Variants in DSCAM observed in about 807,000 individuals in gnomAD.
The protein encoded by DSCAM is cell adhesion molecule DSCAM.
DSCAM carries 47 observed loss-of-function variants against 217.7 expected under a neutral mutation model. The observed-to-expected ratio is 0.22, with a 90% CI of 0.17 to 0.28. The LOEUF (loss-of-function observed/expected upper bound fraction) is 0.28, where lower values mean the gene tolerates loss of function less well. Among genes scored for constraint, DSCAM ranks in the 10% least tolerant of loss-of-function variants. The probability of loss-of-function intolerance (pLI) is 1.00; values close to 1 mark genes in which losing one functional copy is unlikely to be tolerated. For missense variants in DSCAM, 2,080 were observed against 2,618.3 expected, an observed-to-expected ratio of 0.79 and a Z score of 4.49; for synonymous variants, 1,056 against 1,015.3, an observed-to-expected ratio of 1.04 and a Z score of -0.76.
intron 11 of DSCAM, among the ~76,000 whole-genome samples, chr21:40,238,142 A>G (rs946217295): frequency 3.3e-5 from 5 of 152,168 alleles, no homozygotes; most frequent in Non-Finnish European, 7.4e-5. Context: ...AGGATTTTTT[A>G]AACCATAATA....
At chr21:40,287,093 G>A (rs115621791) in intron 10 of DSCAM, among the ~76,000 whole-genome samples, 286 of 139,366 alleles carry the variant, frequency 2.1e-3, no homozygotes, top group African/African-American at 5.1e-3. Context: ...TGTCATCCAC[G>A]GTATGATCCA....
chr21:40,221,008 T>A (rs975112311), intron 11 of DSCAM, among the ~76,000 whole-genome samples: 2 of 152,200 alleles, frequency 1.3e-5, no homozygotes, highest in African/African-American at 2.4e-5. Context: ...ATTTCACAGA[T>A]GCAGAAACTG....
chr21:40,661,461 C>A (rs2090138834), intron 3 of DSCAM, among the ~76,000 whole-genome samples: 1 of 152,172 alleles, frequency 6.6e-6, no homozygotes, highest in Non-Finnish European at 1.5e-5. Flanking sequence ...ACAAAAATAA[C>A]CCTCACAAAA....
Position 40,708,503 on chromosome 21 carries a change from A to C in DSCAM, c.312T>G (p.Ala104=), listed in dbSNP as rs1050762598. 2.0e-6 allele frequency: 3 copies of C among 1,521,362 alleles called. No individual in the cohort carries two copies. The highest frequency in any genetic ancestry group is 1.7e-4 in the Middle Eastern group (1 of 5,724). The allele number at this position is 1,521,362 out of a possible 1,614,324, so 94.2% of individuals were successfully genotyped here. ...LIHDNTYYCT[A]ENPSGKIRSQ... is the part of the protein sequence containing the mutation. ...TTCTAATTTTCCCTGAAGGATTTTC[A>C]GCTGTGCAATAATAAGTATTATCAT... Residue 104 remains alanine, a synonymous_variant, in exon 2 of 33, where the codon GCT becomes GCG. Transcript: ENST00000400454.
chr21:40,360,379 C>A lies in DSCAM; in HGVS notation c.656-6636G>T, dbSNP rs2074748937. Among the ~76,000 whole-genome samples the A allele has an allele frequency of 2.0e-5, 3 of 151,976 alleles. No homozygotes were observed. The South Asian group carries it at 6.2e-4, about 32-fold the overall frequency. On this transcript the variant is annotated intron_variant, in intron 4 of 32. Coordinates refer to ENST00000400454, the MANE Select transcript of DSCAM (RefSeq NM_001389.5). ...TCTATCTCCTGACCTTGTGATCCGC[C>A]CATCTAGGCCTCCCAAAGTGCTGGG...
chr21:40,360,776 C>T (rs1176782319), intron 4 of DSCAM, among the ~76,000 whole-genome samples: 4 of 152,174 alleles, frequency 2.6e-5, no homozygotes, highest in Non-Finnish European at 4.4e-5. Context: ...GATGAACATA[C>T]AAGTGCATAT....
intron 3 of DSCAM, among the ~76,000 whole-genome samples, chr21:40,468,959 T>G (rs765269867): frequency 2.8e-4 from 42 of 152,208 alleles, no homozygotes; most frequent in African/African-American, 8.7e-4. Flanking sequence ...GAAATCACCC[T>G]ACATTGAGGG....
chr21:40,092,429 C>T (rs971955534), intron 21 of DSCAM, among the ~76,000 whole-genome samples: 2 of 152,170 alleles, frequency 1.3e-5, no homozygotes, highest in African/African-American at 4.8e-5. Flanking sequence ...AGCATAGACC[C>T]TGACATACAA....
intron 9 of DSCAM, 144 bp downstream of exon 9, chr21:40,311,933 ATTTT>A (rs34579385): frequency 0.026 from 5,260 of 201,740 alleles, 172 homozygotes; most frequent in African/African-American, 0.14. Flanking sequence ...TTAGAGTCGT[ATTTT>A]TTTTTTTTTT....
At chr21:40,801,942 G>A (rs2091745529) in intron 1 of DSCAM, among the ~76,000 whole-genome samples, 1 of 152,088 alleles carries the variant, frequency 6.6e-6, no homozygotes, top group African/African-American at 2.4e-5. Context: ...TGTAACTGTA[G>A]GGTCAGAGCT....
intron 1 of DSCAM, among the ~76,000 whole-genome samples, chr21:40,800,415 T>C (rs1226607251): frequency 6.6e-6 from 1 of 152,078 alleles, no homozygotes; most frequent in Non-Finnish European, 1.5e-5. Context: ...GCCTGGATTC[T>C]GGTGAGGGCT....
intron 3 of DSCAM, among the ~76,000 whole-genome samples, chr21:40,422,828 A>G (rs912259003): frequency 6.6e-6 from 1 of 152,236 alleles, no homozygotes; most frequent in Non-Finnish European, 1.5e-5. Flanking sequence ...GCAGAAAATC[A>G]TACATTCAAA....
At chr21:40,122,576 G>A (rs2090046775) in intron 20 of DSCAM, among the ~76,000 whole-genome samples, 1 of 152,150 alleles carries the variant, frequency 6.6e-6, no homozygotes, top group Non-Finnish European at 1.5e-5. Flanking sequence ...GGCATTGAGG[G>A]CACAATGGCT....
intron 14 of DSCAM, among the ~76,000 whole-genome samples, chr21:40,186,923 A>G (rs1233724072): frequency 1.3e-5 from 2 of 152,218 alleles, no homozygotes; most frequent in African/African-American, 4.8e-5. Flanking sequence ...TGGCTAAAAA[A>G]GAAAGAAGCA....
chr21:40,188,785 C>CT (rs35605811), intron 12 of DSCAM, among the ~76,000 whole-genome samples: 34,372 of 141,408 alleles, frequency 0.24, 4,190 homozygotes, highest in South Asian at 0.3. Context: ...TTATTTCTCA[C>CT]TTTTTTTTTT....
intron 8 of DSCAM, among the ~76,000 whole-genome samples, chr21:40,318,031 T>C (rs980758481): frequency 3.9e-5 from 6 of 152,082 alleles, no homozygotes; most frequent in African/African-American, 1.4e-4. Context: ...TGTATAGTAT[T>C]CCATGGTGTA....
intron 1 of DSCAM, among the ~76,000 whole-genome samples, chr21:40,833,207 C>T (rs1371573551): frequency 3.3e-5 from 5 of 152,022 alleles, no homozygotes; most frequent in African/African-American, 1.2e-4. Context: ...CCTCTTCAAG[C>T]GTTTCTCCAC....
chr21:40,142,816 C>A, intron 17 of DSCAM, 112 bp from the exon 18 acceptor site: 1 of 1,243,626 alleles, frequency 8.0e-7, no homozygotes, highest in South Asian at 1.5e-5. Context: ...AAATTGCACT[C>A]AACCCCAAAA....
At chr21:40,152,884 T>C (rs562517522) in intron 16 of DSCAM, among the ~76,000 whole-genome samples, 1 of 152,302 alleles carries the variant, frequency 6.6e-6, no homozygotes, top group South Asian at 2.1e-4. Flanking sequence ...CCCCTTCCCA[T>C]TGAAAGGAAA....
Sources: gnomAD v4.1 joint callset for allele counts (sites outside exome capture counted in the v4.1 genomes callset) on GRCh38, gnomAD v4.1.1 for gene constraint, MANE v1.5 for transcripts, NCBI Gene and HGNC (gene_info 2026-07-23, HGNC 2026-07-21) for gene names.